The following ULK4 variants were observed in gnomAD, a reference collection of about 807,000 sequenced individuals.
ULK4 encodes inactive serine/threonine-protein kinase ULK4.
ULK4 carries 133 observed loss-of-function variants against 160.6 expected under a neutral mutation model. The ratio of observed to expected loss-of-function variants is 0.83; its 90% confidence interval spans 0.72 to 0.96. The LOEUF (loss-of-function observed/expected upper bound fraction) is 0.96, where lower values mean the gene tolerates loss of function less well. Ranked by LOEUF, ULK4 falls within the 40% of genes least tolerant of loss-of-function variation. The pLI is 0.00. For synonymous variants in ULK4, 534 were observed against 539.8 expected, an observed-to-expected ratio of 0.99 and a Z score of 0.15; for missense variants, 1,580 against 1,499.5, an observed-to-expected ratio of 1.05 and a Z score of -0.89.
chr3:41,259,243 T>C (rs1575362859), intron 35 of ULK4, among the ~76,000 whole-genome samples: 1 of 152,226 alleles, frequency 6.6e-6, no homozygotes, highest in East Asian at 1.9e-4. Context: ...TGAAAGGAGA[T>C]GGTAGTGTCC....
chr3:41,939,870 G>A (rs546129825), intron 2 of ULK4, among the ~76,000 whole-genome samples: 1 of 152,244 alleles, frequency 6.6e-6, no homozygotes, highest in East Asian at 1.9e-4. Flanking sequence ...GTGCATAGGA[G>A]GGATCTAGGC....
chr3:41,788,740 C>T (rs2040067502), intron 21 of ULK4, among the ~76,000 whole-genome samples: 1 of 151,942 alleles, frequency 6.6e-6, no homozygotes, highest in South Asian at 2.1e-4. Flanking sequence ...AATAATGCTG[C>T]ATACTACTTT....
At chr3:41,526,030 A>G (rs1369454939) in intron 32 of ULK4, among the ~76,000 whole-genome samples, 1 of 152,170 alleles carries the variant, frequency 6.6e-6, no homozygotes, top group Non-Finnish European at 1.5e-5. Flanking sequence ...GTCCAGTGAT[A>G]TTAACATTCC....
At chr3:41,602,169 G>T (rs2032108154) in intron 31 of ULK4, among the ~76,000 whole-genome samples, 1 of 151,426 alleles carries the variant, frequency 6.6e-6, no homozygotes, top group Admixed American at 6.6e-5. Flanking sequence ...CCTAAAGCCT[G>T]GATAACAGAG....
Position 41,549,993 on chromosome 3 carries a change from T to C in ULK4, c.3226+16032A>G, listed in dbSNP as rs184900382. 9.1e-4 allele frequency among the ~76,000 whole-genome samples: 139 copies of C among 151,974 alleles called. 1 individual carries two copies. The highest frequency in any genetic ancestry group is 3.3e-3 in the African/African-American group (137 of 41,490). On this transcript the variant is annotated intron_variant, in intron 32 of 36. Coordinates refer to ENST00000301831, the MANE Select transcript of ULK4 (RefSeq NM_017886.4). Reference sequence around the variant, plus strand: ...CCTTCAAAATGTAAGACAAATAAAATCTTTAGCAGACAAACACAAACTAAG... The same window carrying C: ...CCTTCAAAATGTAAGACAAATAAAACCTTTAGCAGACAAACACAAACTAAG...
chr3:41,422,713 G>C (rs1427725829), intron 34 of ULK4, among the ~76,000 whole-genome samples: 4 of 152,080 alleles, frequency 2.6e-5, no homozygotes, highest in African/African-American at 9.7e-5. Flanking sequence ...ATGTAGAAAA[G>C]CAAGTACATT....
At chr3:41,717,189 C>T (rs1434093153) in intron 23 of ULK4, among the ~76,000 whole-genome samples, 1 of 151,956 alleles carries the variant, frequency 6.6e-6, no homozygotes, top group Non-Finnish European at 1.5e-5. Context: ...GTGACGGACA[C>T]CCTAAATACC....
chr3:41,671,857 C>T (rs766031032), intron 29 of ULK4, among the ~76,000 whole-genome samples: 1 of 151,928 alleles, frequency 6.6e-6, no homozygotes, highest in Non-Finnish European at 1.5e-5. Context: ...ATATAAGGAA[C>T]TCAACTCAGC....
At chr3:41,616,910 C>T (rs1432933483) in intron 30 of ULK4, among the ~76,000 whole-genome samples, 2 of 152,174 alleles carry the variant, frequency 1.3e-5, no homozygotes, top group East Asian at 3.9e-4. Flanking sequence ...GCCAGCACAG[C>T]AGTCTGAAAT....
rs752984539 is a variant in ULK4 at position 41,954,694 on chromosome 3, T to C, written c.66A>G (p.Arg22=). 3 of 1,614,016 alleles carry C rather than the reference T, an allele frequency of 1.9e-6. No individual in the cohort carries two copies. Among genetic ancestry groups the C allele is most frequent in the Non-Finnish European group, 2.5e-6 (3 of 1,179,946 alleles). The change falls in exon 2 of 37, where the codon CGA becomes CGG. Residue 22 remains arginine (R), a synonymous_variant. Coordinates refer to ENST00000301831, the MANE Select transcript of ULK4 (RefSeq NM_017886.4). ...CTACAAAATTGATTGTTCCCTTCCG[T>C]CGCCCTTTATAGACAACAGTCTTGC... The part of the protein sequence containing the change: ...RGSKTVVYKG[R]RKGTINFVAI...
intron 21 of ULK4, among the ~76,000 whole-genome samples, chr3:41,782,171 T>TG (rs1553651855): frequency 2.0e-5 from 3 of 152,010 alleles, no homozygotes; most frequent in African/African-American, 7.2e-5. Flanking sequence ...TTTTTTTTTT[T>TG]GGGCAAGTTC....
intron 34 of ULK4, among the ~76,000 whole-genome samples, chr3:41,415,793 T>A (rs2082513076): frequency 6.6e-6 from 1 of 152,124 alleles, no homozygotes; most frequent in Admixed American, 6.5e-5. Flanking sequence ...TATTCATTTG[T>A]CTCAGCCCAT....
intron 32 of ULK4, among the ~76,000 whole-genome samples, chr3:41,517,598 T>C (rs1331910242): frequency 6.6e-6 from 1 of 152,220 alleles, no homozygotes; most frequent in Non-Finnish European, 1.5e-5. Flanking sequence ...GGCTATTTTG[T>C]TATAGCAGCA....
chr3:41,826,152 G>A (rs1249337796), intron 18 of ULK4, among the ~76,000 whole-genome samples: 1 of 152,132 alleles, frequency 6.6e-6, no homozygotes, highest in African/African-American at 2.4e-5. Flanking sequence ...AAGAGCTCCT[G>A]AAGGAAGCAC....
chr3:41,305,256 T>C (rs957479389), intron 35 of ULK4, among the ~76,000 whole-genome samples: 1 of 110,874 alleles, frequency 9.0e-6, no homozygotes, highest in Non-Finnish European at 2.0e-5. Context: ...CTCCCTCTCT[T>C]TCCACAGTCT....
intron 32 of ULK4, among the ~76,000 whole-genome samples, chr3:41,474,582 G>A (rs547318842): frequency 1.6e-4 from 25 of 152,084 alleles, no homozygotes; most frequent in African/African-American, 5.8e-4. Flanking sequence ...TACAGACTGA[G>A]AGAAAATATG....
rs559757977 is a variant in ULK4 at position 41,635,459 on chromosome 3, T to C, written c.3072-19742A>G. On this transcript the variant is annotated intron_variant, in intron 30 of 36. Transcript: ENST00000301831. ...ATATAAATATATAGAAGCATAAATA[T>C]ATTAATGTTACATTTAGAAAAAATA... 5.9e-5 allele frequency among the ~76,000 whole-genome samples: 9 copies of C among 152,172 alleles called. No individual in the cohort carries two copies. The East Asian group carries it at 1.5e-3, about 26-fold the overall frequency.
At chr3:41,885,659 C>T (rs73083329) in intron 16 of ULK4, among the ~76,000 whole-genome samples, 18,814 of 151,886 alleles carry the variant, frequency 0.12, 1,322 homozygotes, top group Middle Eastern at 0.27. Context: ...ATGACAGATG[C>T]AAGTAAGGAA....
At chr3:41,617,278 C>T (rs961518612) in intron 30 of ULK4, among the ~76,000 whole-genome samples, 1 of 152,236 alleles carries the variant, frequency 6.6e-6, no homozygotes, top group Admixed American at 6.5e-5. Flanking sequence ...TGCTAAGGGA[C>T]AGGCTGCCTC....
Sources: gnomAD v4.1 joint callset for allele counts (sites outside exome capture counted in the v4.1 genomes callset) on GRCh38, gnomAD v4.1.1 for gene constraint, MANE v1.5 for transcripts, NCBI Gene and HGNC (gene_info 2026-07-23, HGNC 2026-07-21) for gene names.